The following ESR1 variants were observed in gnomAD, a reference collection of about 807,000 sequenced individuals.
ESR1 encodes the protein estrogen receptor.
ESR1 carries 12 observed loss-of-function variants against 52.7 expected under a neutral mutation model. The ratio of observed to expected loss-of-function variants is 0.23; its 90% CI spans 0.15 to 0.37. The LOEUF (loss-of-function observed/expected upper bound fraction) is 0.37, where lower values mean the gene tolerates loss of function less well. ESR1 is among the 10% of genes least tolerant of loss of function. ESR1 has a pLI of 1.00. For missense variants in ESR1, 584 were observed against 779.7 expected (o/e 0.75, Z 2.99); for synonymous variants, 305 against 316.8 (o/e 0.96, Z 0.39).
At chr6:151,724,654 T>A (rs542466172) in intron 2 of ESR1, among the ~76,000 whole-genome samples, 3 of 152,238 alleles carry the variant, frequency 2.0e-5, no homozygotes, top group African/African-American at 7.2e-5. Context: ...GAACATCTTG[T>A]ATCTCTTTTG....
intron 1 of ESR1, among the ~76,000 whole-genome samples, chr6:151,823,948 T>C (rs1256289486): frequency 6.6e-6 from 1 of 152,204 alleles, no homozygotes; most frequent in Non-Finnish European, 1.5e-5. Flanking sequence ...GCATGTGTCT[T>C]TATAGCAGCA....
intron 1 of ESR1, among the ~76,000 whole-genome samples, chr6:151,823,541 A>G (rs1309031901): frequency 1.3e-5 from 2 of 152,142 alleles, no homozygotes; most frequent in Non-Finnish European, 2.9e-5. Flanking sequence ...TTACATATGT[A>G]TACATGTGCC....
At chr6:151,868,994 T>C (rs1790464614) in intron 2 of ESR1, among the ~76,000 whole-genome samples, 1 of 152,150 alleles carries the variant, frequency 6.6e-6, no homozygotes, top group African/African-American at 2.4e-5. Context: ...AACCGTCTTT[T>C]CTATTTTCTC....
At chr6:152,001,450 T>C (rs1197703657) in intron 4 of ESR1, among the ~76,000 whole-genome samples, 1 of 152,022 alleles carries the variant, frequency 6.6e-6, no homozygotes, top group East Asian at 1.9e-4. Flanking sequence ...CATGAATACA[T>C]CTTAACATCC....
upstream of ESR1, among the ~76,000 whole-genome samples, chr6:151,801,855 G>T (rs749306390): frequency 9.2e-5 from 14 of 152,230 alleles, no homozygotes; most frequent in Admixed American, 4.6e-4. Context: ...TGCATGCCCA[G>T]CACTTTGCTG....
intron 3 of ESR1, among the ~76,000 whole-genome samples, chr6:151,890,448 T>C (rs1196510856): frequency 6.6e-6 from 1 of 152,218 alleles, no homozygotes; most frequent in Non-Finnish European, 1.5e-5. Context: ...TTGAGAAGAA[T>C]GTGTGTTCTG....
intron 6 of ESR1, among the ~76,000 whole-genome samples, chr6:152,067,147 C>A (rs190768130): frequency 1.3e-5 from 2 of 152,280 alleles, no homozygotes; most frequent in East Asian, 3.9e-4. Context: ...ATTGCATTCC[C>A]ATGATGAAGA....
At chr6:151,671,384 C>T (rs572366131) in intron 1 of ESR1, among the ~76,000 whole-genome samples, 10 of 152,226 alleles carry the variant, frequency 6.6e-5, no homozygotes, top group Admixed American at 2.6e-4. Context: ...CTTGTGACAA[C>T]GTAGATGAAC....
intron 4 of ESR1, among the ~76,000 whole-genome samples, chr6:152,006,223 A>G (rs982702872): frequency 2.6e-5 from 4 of 152,026 alleles, no homozygotes; most frequent in Admixed American, 2.0e-4. Flanking sequence ...ACAGTAGTAC[A>G]TATTTGGTAA....
intron 4 of ESR1, among the ~76,000 whole-genome samples, chr6:151,955,927 T>C (rs575506465): frequency 1.3e-4 from 20 of 152,230 alleles, no homozygotes; most frequent in Admixed American, 2.6e-4. Flanking sequence ...TTTTTGTCCA[T>C]GTGTTCTCAT....
chr6:152,045,846 G>A (rs753054628), intron 5 of ESR1, among the ~76,000 whole-genome samples: 3 of 152,122 alleles, frequency 2.0e-5, no homozygotes, highest in Non-Finnish European at 4.4e-5. Flanking sequence ...GAAAAAGAGT[G>A]AACACTTTTA....
chr6:151,661,715 G>T (rs1156346578), intron 1 of ESR1, among the ~76,000 whole-genome samples: 1 of 152,168 alleles, frequency 6.6e-6, no homozygotes, highest in African/African-American at 2.4e-5. Flanking sequence ...GACCTGATGG[G>T]AAGTGATTGG....
In ESR1 at chr6:152,082,241, G is replaced by T. The variant is rs1195595274; in HGVS notation, c.1370-12144G>T. 2.0e-5 allele frequency among the ~76,000 whole-genome samples: 3 copies of T among 152,104 alleles called. No homozygotes were observed. In the East Asian group the frequency reaches 5.8e-4, roughly 29 times the overall value. Reference sequence around the variant, plus strand: ...AAATACTGGCAAACCAAATCCAGCAGCACATCAAAAAGCCTATCCACCAAA... The same window carrying T: ...AAATACTGGCAAACCAAATCCAGCATCACATCAAAAAGCCTATCCACCAAA... On this transcript the variant is annotated intron_variant, in intron 6 of 7. Transcript: ENST00000206249.
chr6:151,682,865 G>T (rs1778511170), intron 1 of ESR1, among the ~76,000 whole-genome samples: 1 of 152,184 alleles, frequency 6.6e-6, no homozygotes, highest in Non-Finnish European at 1.5e-5. Flanking sequence ...GCAGAATGGG[G>T]TAAGAAAACC....
chr6:151,732,331 T>A (rs770449369), intron 2 of ESR1, among the ~76,000 whole-genome samples: 13 of 152,170 alleles, frequency 8.5e-5, no homozygotes, highest in Admixed American at 1.3e-4. Context: ...GGTCACATAC[T>A]GTATGTGATC....
At chr6:152,103,369 G>A (rs1465884496), downstream of ESR1, 12 of 165,202 alleles carry the variant, frequency 7.3e-5, no homozygotes, top group Admixed American at 5.1e-4. Context: ...GTCACACACA[G>A]TGAGTCTGAA....
intron 4 of ESR1, among the ~76,000 whole-genome samples, chr6:151,992,406 A>G (rs2041111685): frequency 6.6e-6 from 1 of 151,842 alleles, no homozygotes; most frequent in African/African-American, 2.4e-5. Flanking sequence ...ATCATCCAAC[A>G]TTTTTCCTTT....
intron 4 of ESR1, among the ~76,000 whole-genome samples, chr6:151,959,345 C>T (rs936991040): frequency 1.4e-4 from 22 of 152,282 alleles, no homozygotes; most frequent in East Asian, 3.9e-4. Flanking sequence ...ATCACTGGTG[C>T]GGCACACATC....
At position 152,061,782 on chromosome 6, in the gene ESR1, TGA is replaced by T. The variant is rs2128961038; in HGVS notation, c.1369+660_1369+661del. ...TGTTTTGTTTTTGTTTTCAATGTAG[TGA>T]GGCTGGCTGTTGTATAAAGAGTTAC... On this transcript the variant is annotated intron_variant, in intron 6 of 7. Transcript: ENST00000206249. The surrounding 1 kb of genome is among the most constrained non-coding windows in gnomAD (Gnocchi z 4.3). 6.6e-6 allele frequency among the ~76,000 whole-genome samples: 1 copy of T among 152,146 alleles called. No homozygotes were observed. Among genetic ancestry groups the T allele is most frequent in the African/African-American group, 2.4e-5 (1 of 41,444 alleles).
Sources: gnomAD v4.1 joint callset for allele counts (sites outside exome capture counted in the v4.1 genomes callset) on GRCh38, gnomAD v4.1.1 for gene constraint, Gnocchi (gnomAD v3.1) non-coding constraint, MANE v1.5 for transcripts, NCBI Gene and HGNC (gene_info 2026-07-23, HGNC 2026-07-21) for gene names.